TANGO6: variants seen among roughly 807,000 people sequenced by gnomAD.
TANGO6 encodes transport and golgi organization 6 homolog, also known as transport and Golgi organization protein 6 homolog.
A neutral mutation model predicts 114.2 loss-of-function variants in TANGO6; 90 were observed. The ratio of observed to expected loss-of-function variants is 0.79; its 90% CI spans 0.66 to 0.94. The LOEUF (loss-of-function observed/expected upper bound fraction) is 0.94, where lower values mean the gene tolerates loss of function less well. Among genes scored for constraint, TANGO6 ranks in the 40% least tolerant of loss-of-function variants. The pLI is 0.00. For missense variants in TANGO6, 1,274 were observed against 1,315.3 expected, an observed-to-expected ratio of 0.97 and a Z score of 0.49; for synonymous variants, 477 against 509.8, an observed-to-expected ratio of 0.94 and a Z score of 0.87.
At chr16:68,952,064 C>T (rs997928352) in intron 14 of TANGO6, among the ~76,000 whole-genome samples, 3 of 152,152 alleles carry the variant, frequency 2.0e-5, no homozygotes, top group Non-Finnish European at 4.4e-5. Flanking sequence ...GTCACAAAGG[C>T]AGGATTCATG....
chr16:69,031,720 C>T (rs1175335791), intron 16 of TANGO6, among the ~76,000 whole-genome samples: 1 of 151,686 alleles, frequency 6.6e-6, no homozygotes. Context: ...TGCAGTGGTG[C>T]GATCTCAGCT....
At chr16:68,905,472 G>T (rs962416852) in intron 9 of TANGO6, among the ~76,000 whole-genome samples, 7 of 151,568 alleles carry the variant, frequency 4.6e-5, no homozygotes, top group African/African-American at 1.7e-4. Flanking sequence ...GGAGGTGGAG[G>T]TTGCAGTGAG....
At chr16:68,864,309 C>T (rs1225057661) in intron 3 of TANGO6, among the ~76,000 whole-genome samples, 1 of 152,152 alleles carries the variant, frequency 6.6e-6, no homozygotes, top group Non-Finnish European at 1.5e-5. Context: ...CACTGTGGCT[C>T]ACACCTGTAA....
At chr16:68,945,479 TTCCCTGGCCTC>T (rs1387778158) in intron 14 of TANGO6, among the ~76,000 whole-genome samples, 1 of 152,216 alleles carries the variant, frequency 6.6e-6, no homozygotes, top group Non-Finnish European at 1.5e-5. Flanking sequence ...CGTGCTTTGT[TTCCCTGGCCTC>T]TCAACTCTTA....
intron 15 of TANGO6, among the ~76,000 whole-genome samples, chr16:69,008,783 C>T (rs1964119325): frequency 6.6e-6 from 1 of 152,028 alleles, no homozygotes; most frequent in Non-Finnish European, 1.5e-5. Context: ...GCTGGGATTA[C>T]AGGCACCTGC....
At chr16:69,067,680 C>CTAAT (rs1415925150) in intron 17 of TANGO6, among the ~76,000 whole-genome samples, 1 of 149,358 alleles carries the variant, frequency 6.7e-6, no homozygotes, top group Non-Finnish European at 1.5e-5. Flanking sequence ...GCTCATGCCT[C>CTAAT]TAATCCCAGC....
At chr16:68,968,827 C>T (rs1349447171) in intron 14 of TANGO6, among the ~76,000 whole-genome samples, 1 of 151,724 alleles carries the variant, frequency 6.6e-6, no homozygotes, top group African/African-American at 2.4e-5. Context: ...CCCACTACCA[C>T]GCCCAGCTAA....
intron 15 of TANGO6, among the ~76,000 whole-genome samples, chr16:68,997,384 T>C (rs1185993601): frequency 6.6e-6 from 1 of 152,228 alleles, no homozygotes; most frequent in African/African-American, 2.4e-5. Flanking sequence ...GGATTATTCA[T>C]GAGTTTTCCA....
At chr16:69,035,906 C>G (rs1047757400) in intron 16 of TANGO6, 10 of 151,952 alleles carry the variant, frequency 6.6e-5, no homozygotes, top group Admixed American at 5.9e-4. Context: ...CAAAAATTAA[C>G]CAGGTGTGGT....
chr16:69,026,859 TC>T (rs1433338419), intron 16 of TANGO6, among the ~76,000 whole-genome samples: 1 of 152,092 alleles, frequency 6.6e-6, no homozygotes, highest in Non-Finnish European at 1.5e-5. Flanking sequence ...GGGGGAATTT[TC>T]CCTTCTTTTT....
intron 15 of TANGO6, among the ~76,000 whole-genome samples, chr16:68,995,073 TG>T (rs1963979837): frequency 6.6e-6 from 1 of 152,218 alleles, no homozygotes; most frequent in Admixed American, 6.5e-5. Context: ...AGTTTCTTTT[TG>T]TTTAATAAGT....
At chr16:68,928,188 C>G in intron 13 of TANGO6, 105 bp downstream of exon 13, 1 of 1,336,702 alleles carries the variant, frequency 7.5e-7, no homozygotes, top group South Asian at 1.6e-5. Flanking sequence ...TTCTGGACCA[C>G]CCTCCAGAAA....
At chr16:68,929,741 A>G (rs1023349147) in intron 13 of TANGO6, among the ~76,000 whole-genome samples, 1 of 152,302 alleles carries the variant, frequency 6.6e-6, no homozygotes, top group African/African-American at 2.4e-5. Flanking sequence ...AAAGTGCTGA[A>G]ATTTACAAGA....
At position 69,041,339 on chromosome 16, in the gene TANGO6, G is replaced by A. The variant is rs552007352; in HGVS notation, c.3108+918G>A. ...CGCATGCCTGTAATCCCATCTACTC[G>A]GGAGGCTGAGACAGGAGAATTGCTT... On this transcript the variant is annotated intron_variant, in intron 17 of 17. Transcript: ENST00000261778. 6.6e-5 allele frequency among the ~76,000 whole-genome samples: 10 copies of A among 151,940 alleles called. 1 individual carries two copies. Among genetic ancestry groups the A allele is most frequent in the African/African-American group, 1.4e-4 (6 of 41,436 alleles).
At chr16:68,986,796 T>C (rs756499431) in intron 15 of TANGO6, among the ~76,000 whole-genome samples, 10 of 152,008 alleles carry the variant, frequency 6.6e-5, no homozygotes, top group Non-Finnish European at 1.2e-4. Context: ...TCCCAGCTAC[T>C]CAGGAGGCTG....
At chr16:69,066,686 G>A (rs1174481138) in intron 17 of TANGO6, among the ~76,000 whole-genome samples, 1 of 152,086 alleles carries the variant, frequency 6.6e-6, no homozygotes, top group African/African-American at 2.4e-5. Flanking sequence ...TTATCACTTT[G>A]CTGATGATAG....
intron 17 of TANGO6, among the ~76,000 whole-genome samples, chr16:69,048,767 C>G (rs1460327033): frequency 1.3e-5 from 2 of 152,184 alleles, no homozygotes; most frequent in African/African-American, 4.8e-5. Flanking sequence ...ATATGATGCT[C>G]TGCTTTTTTA....
chr16:69,048,294 G>A (rs1405157071), intron 17 of TANGO6, among the ~76,000 whole-genome samples: 10 of 140,792 alleles, frequency 7.1e-5, no homozygotes, highest in Non-Finnish European at 3.0e-5. Flanking sequence ...TAGAGGTGGG[G>A]TTTCGCCATG....
intron 16 of TANGO6, chr16:69,026,227 C>G (rs1432335705): frequency 6.6e-6 from 1 of 152,264 alleles, no homozygotes; most frequent in Non-Finnish European, 1.5e-5. Context: ...GTCTAAACTC[C>G]TAACCTCAAG....
Sources: gnomAD v4.1 joint callset for allele counts (sites outside exome capture counted in the v4.1 genomes callset) on GRCh38, gnomAD v4.1.1 for gene constraint, MANE v1.5 for transcripts, NCBI Gene and HGNC (gene_info 2026-07-23, HGNC 2026-07-21) for gene names.